RPTOR: variants seen among roughly 807,000 people sequenced by gnomAD.
RPTOR encodes the protein regulatory-associated protein of mTOR.
A neutral mutation model predicts 169.9 loss-of-function variants in RPTOR; 21 were observed. The observed-to-expected ratio is 0.12, with a 90% confidence interval of 0.09 to 0.18. The LOEUF is 0.18. Among genes scored for constraint, RPTOR ranks in the 10% least tolerant of loss-of-function variants. The pLI, the probability that RPTOR is intolerant of heterozygous loss-of-function variation, is 1.00. For missense variants in RPTOR, 1,133 were observed against 1,855.9 expected (o/e 0.61, Z 7.16); for synonymous variants, 732 against 753.2 (o/e 0.97, Z 0.46).
chr17:80,577,786 C>T (rs1412868282), intron 1 of RPTOR, among the ~76,000 whole-genome samples: 3 of 152,230 alleles, frequency 2.0e-5, no homozygotes, highest in Non-Finnish European at 4.4e-5. Flanking sequence ...CTTGGACCTG[C>T]AGCCTTCCTG....
At chr17:80,847,421 AG>A (rs1490165997) in intron 11 of RPTOR, among the ~76,000 whole-genome samples, 5 of 152,240 alleles carry the variant, frequency 3.3e-5, no homozygotes, top group African/African-American at 1.2e-4. Flanking sequence ...TTTGTGGGGA[AG>A]TGTGTGGGCT....
chr17:80,685,636 T>TAA lies in RPTOR; in HGVS notation c.349-22205_349-22204insAA, dbSNP rs1263496041. 9.0e-5 allele frequency among the ~76,000 whole-genome samples: 5 copies of TAA among 55,632 alleles called. 1 individual carries two copies. Among genetic ancestry groups the TAA allele is most frequent in the African/African-American group, 2.5e-4 (5 of 19,748 alleles). The allele number at this position is 55,632 out of a possible 152,430, so 36.5% of individuals were successfully genotyped here. A position where few individuals can be genotyped will look rare whatever the true frequency, so the allele number is the denominator to read the frequency against. On this transcript the variant is annotated intron_variant, in intron 3 of 33. Coordinates refer to ENST00000306801, the MANE Select transcript of RPTOR (RefSeq NM_020761.3). ...ATATATATATATATATATTTTTTTT[T>TAA]TTTTTTTTTTTTTTTTTTTTTGCTG...
intron 21 of RPTOR, chr17:80,909,710 A>G (rs59618198): frequency 0.32 from 48,541 of 152,032 alleles, 7,923 homozygotes; most frequent in East Asian, 0.48. Flanking sequence ...GACTCATTCA[A>G]AACCCTTCTA....
intron 17 of RPTOR, among the ~76,000 whole-genome samples, chr17:80,885,528 T>TTTATG (rs1390344261): frequency 1.3e-5 from 2 of 152,056 alleles, no homozygotes; most frequent in African/African-American, 4.8e-5. Flanking sequence ...ACAAAACAGT[T>TTTATG]TTATGTTTTG....
chr17:80,909,230 A>AT (rs11395577), intron 21 of RPTOR, among the ~76,000 whole-genome samples: 121,596 of 149,128 alleles, frequency 0.82, 49,670 homozygotes, highest in Non-Finnish European at 0.85. Flanking sequence ...CCCTTCTTCC[A>AT]TTTTTTTTTT....
chr17:80,570,082 CTG>C (rs1376430158), intron 1 of RPTOR, among the ~76,000 whole-genome samples: 2 of 152,110 alleles, frequency 1.3e-5, no homozygotes, highest in Non-Finnish European at 2.9e-5. Context: ...ATTCTGGCTG[CTG>C]TGGCCATCAT....
rs373542345 is a variant in RPTOR at position 80,664,260 on chromosome 17, A to G, written c.348+20450A>G. On this transcript the variant is annotated intron_variant, in intron 3 of 33. Coordinates refer to ENST00000306801, the MANE Select transcript of RPTOR (RefSeq NM_020761.3). ...TCCTATTCTTTCTTAATGATTAAAA[A>G]TACGATTTCTTCTTTAATGCCCAGC... Among the ~76,000 whole-genome samples the G allele has an allele frequency of 6.6e-5, 10 of 152,324 alleles. No homozygotes were observed. In the East Asian group the frequency reaches 9.7e-4, roughly 15 times the overall value.
chr17:80,552,018 A>G (rs2084352080), intron 1 of RPTOR, among the ~76,000 whole-genome samples: 1 of 152,224 alleles, frequency 6.6e-6, no homozygotes, highest in Admixed American at 6.5e-5. Context: ...TTGACACAGC[A>G]CATGTTTCAG....
intron 1 of RPTOR, among the ~76,000 whole-genome samples, chr17:80,553,236 C>T (rs1476135356): frequency 5.3e-5 from 8 of 152,212 alleles, no homozygotes; most frequent in Non-Finnish European, 1.2e-4. Context: ...GTGTGTGCTG[C>T]TCCTTCTCCT....
intron 1 of RPTOR, among the ~76,000 whole-genome samples, chr17:80,595,052 A>G (rs1011515724): frequency 4.8e-5 from 7 of 146,222 alleles, no homozygotes; most frequent in Non-Finnish European, 7.6e-5. Context: ...AGAGAGAGAG[A>G]GGGAGAGAGA....
chr17:80,546,240 T>G (rs527694965), intron 1 of RPTOR, among the ~76,000 whole-genome samples: 1 of 152,286 alleles, frequency 6.6e-6, no homozygotes, highest in South Asian at 2.1e-4. Context: ...TACTGGAAAA[T>G]GTTCAACTAG....
intron 25 of RPTOR, among the ~76,000 whole-genome samples, chr17:80,944,003 T>A (rs1054595131): frequency 1.6e-4 from 25 of 152,238 alleles, no homozygotes; most frequent in African/African-American, 6.0e-4. Flanking sequence ...ATGAGGCTTA[T>A]GCACCCACAG....
intron 6 of RPTOR, among the ~76,000 whole-genome samples, chr17:80,764,557 A>G (rs1451811608): frequency 6.6e-6 from 1 of 151,874 alleles, no homozygotes; most frequent in Non-Finnish European, 1.5e-5. Context: ...AATCCAGTCT[A>G]TCATTGTTGG....
Position 80,960,135 on chromosome 17 carries a change from T to G in RPTOR, c.3535T>G (p.Ser1179Ala). ...VTSLSCDSHR[S>A]LIVAGLGDGS... Reference sequence around the variant, plus strand: ...GAGTCTGTCCTGTGATTCCCACCGCTCACTCATCGTGGCTGGCCTCGGTGA... The same window carrying G: ...GAGTCTGTCCTGTGATTCCCACCGCGCACTCATCGTGGCTGGCCTCGGTGA... The change falls in exon 30 of 34, where the codon TCA becomes GCA. Residue 1179 changes from serine (S) to alanine (A), a missense_variant. Ser to Ala is a moderately conservative substitution (Grantham distance 99, BLOSUM62 1). This residue lies in a region of RPTOR where 410 missense variants were observed against 623.7 expected (regional missense o/e 0.66). Transcript: ENST00000306801. This position sits in a 1 kb window ranked among gnomAD's most constrained non-coding sequence, Gnocchi z 4.8. The G allele has an allele frequency of 6.2e-7, 1 of 1,613,626 alleles. No individual in the cohort carries two copies. Among genetic ancestry groups the G allele is most frequent in the Non-Finnish European group, 8.5e-7 (1 of 1,179,978 alleles).
chr17:80,634,582 T>TGTGTGTGC (rs1567831114), intron 2 of RPTOR, among the ~76,000 whole-genome samples: 1 of 69,674 alleles, frequency 1.4e-5, no homozygotes, highest in African/African-American at 6.3e-5. Flanking sequence ...TGTGTGTGTG[T>TGTGTGTGC]GCGTACTGTG....
intron 6 of RPTOR, among the ~76,000 whole-genome samples, chr17:80,761,368 T>C (rs2066734830): frequency 6.6e-6 from 1 of 152,206 alleles, no homozygotes; most frequent in South Asian, 2.1e-4. Flanking sequence ...ACTTACTTCC[T>C]TTCTTTCAAT....
At chr17:80,685,627 A>ATATATTTTTTTT (rs1269766086) in intron 3 of RPTOR, among the ~76,000 whole-genome samples, 5 of 30,670 alleles carry the variant, frequency 1.6e-4, no homozygotes, top group Non-Finnish European at 2.7e-4. Context: ...ATATATATAT[A>ATATATTTTTTTT]TTTTTTTTTT....
At chr17:80,880,365 A>G (rs2068172696) in intron 13 of RPTOR, 50 bp from the exon 14 acceptor site, 2 of 1,496,588 alleles carry the variant, frequency 1.3e-6, no homozygotes, top group East Asian at 2.3e-5. Context: ...AGCTTGTGGC[A>G]TCTGCGGGAC....
intron 6 of RPTOR, among the ~76,000 whole-genome samples, chr17:80,790,839 C>G (rs1429295107): frequency 6.6e-6 from 1 of 152,148 alleles, no homozygotes; most frequent in African/African-American, 2.4e-5. Context: ...ACTCTGCTGC[C>G]TCGATTCTGC....
Sources: allele counts gnomAD v4.1 joint callset (sites outside exome capture counted in the v4.1 genomes callset), GRCh38; gene constraint gnomAD v4.1.1; regional missense constraint gnomAD v4.1.1; non-coding constraint Gnocchi (gnomAD v3.1); transcripts MANE v1.5; gene names NCBI Gene and HGNC (gene_info 2026-07-23, HGNC 2026-07-21).